SGCZ: variants seen among roughly 807,000 people sequenced by gnomAD.
The protein encoded by SGCZ is sarcoglycan zeta.
Under a neutral mutation model 41.3 loss-of-function variants are expected in SGCZ, and 40 were observed. The observed-to-expected ratio is 0.97, with a 90% CI of 0.75 to 1.26. The LOEUF is 1.26. Among genes scored for constraint, SGCZ ranks in the 50% most tolerant of loss-of-function variants. The pLI, the probability that SGCZ is intolerant of heterozygous loss-of-function variation, is 0.00. For synonymous variants in SGCZ, 206 were observed against 137.5 expected, an observed-to-expected ratio of 1.50 and a Z score of -3.49; for missense variants, 552 against 369.8, an observed-to-expected ratio of 1.49 and a Z score of -4.04.
At chr8:14,413,325 T>C (rs1031123053) in intron 2 of SGCZ, among the ~76,000 whole-genome samples, 5 of 150,792 alleles carry the variant, frequency 3.3e-5, no homozygotes, top group Admixed American at 6.6e-5. Flanking sequence ...TTAGCTCACC[T>C]TTCATACCTC....
At chr8:14,803,421 G>T (rs569553802) in intron 1 of SGCZ, among the ~76,000 whole-genome samples, 1 of 152,092 alleles carries the variant, frequency 6.6e-6, no homozygotes, top group African/African-American at 2.4e-5. Flanking sequence ...CTCGGGAATC[G>T]CAAGGGGTCA....
At chr8:14,204,866 C>T (rs1031692020) in intron 4 of SGCZ, among the ~76,000 whole-genome samples, 10 of 152,102 alleles carry the variant, frequency 6.6e-5, no homozygotes, top group South Asian at 2.1e-4. Flanking sequence ...CTGATAGTTA[C>T]GTCATTGGCT....
intron 1 of SGCZ, among the ~76,000 whole-genome samples, chr8:14,652,938 A>G (rs1214539586): frequency 6.6e-6 from 1 of 152,080 alleles, no homozygotes; most frequent in Non-Finnish European, 1.5e-5. Context: ...ATTATCATAC[A>G]AAAATTTTGT....
intron 2 of SGCZ, among the ~76,000 whole-genome samples, chr8:14,538,979 T>C (rs542153540): frequency 1.3e-5 from 2 of 152,106 alleles, no homozygotes; most frequent in Admixed American, 6.6e-5. Context: ...CCCAGATATT[T>C]TGTCAAACAC....
intron 4 of SGCZ, among the ~76,000 whole-genome samples, chr8:14,176,904 T>G (rs1804558964): frequency 6.6e-6 from 1 of 152,004 alleles, no homozygotes; most frequent in African/African-American, 2.4e-5. Flanking sequence ...CATCCAGGAG[T>G]GCCTTGTATG....
At chr8:14,502,137 G>C (rs961166801) in intron 2 of SGCZ, among the ~76,000 whole-genome samples, 5 of 152,026 alleles carry the variant, frequency 3.3e-5, no homozygotes, top group African/African-American at 4.8e-5. Context: ...AGAATTGTTA[G>C]CTAGTAAGTC....
At chr8:14,557,722 A>G (rs1804076226) in intron 1 of SGCZ, among the ~76,000 whole-genome samples, 1 of 152,038 alleles carries the variant, frequency 6.6e-6, no homozygotes, top group Non-Finnish European at 1.5e-5. Context: ...TTTGTTAAAC[A>G]CAAATAGAGA....
At chr8:14,583,722 T>A (rs1303185626) in intron 1 of SGCZ, among the ~76,000 whole-genome samples, 3 of 152,180 alleles carry the variant, frequency 2.0e-5, no homozygotes, top group Non-Finnish European at 4.4e-5. Flanking sequence ...GAATAATTTG[T>A]CTTTAATACT....
chr8:15,186,818 A>C (rs1032647173), intron 1 of SGCZ, among the ~76,000 whole-genome samples: 2 of 152,172 alleles, frequency 1.3e-5, no homozygotes, highest in Non-Finnish European at 1.5e-5. Context: ...ATTTTGCCCA[A>C]AGTATTAACT....
At chr8:15,070,204 T>A (rs1418877849) in intron 1 of SGCZ, among the ~76,000 whole-genome samples, 1 of 152,160 alleles carries the variant, frequency 6.6e-6, no homozygotes, top group Non-Finnish European at 1.5e-5. Flanking sequence ...ATCATCATAA[T>A]TAGAATTTTG....
intron 1 of SGCZ, among the ~76,000 whole-genome samples, chr8:14,808,104 G>A (rs950042961): frequency 3.3e-5 from 5 of 152,082 alleles, no homozygotes; most frequent in East Asian, 1.9e-4. Context: ...AGACTGAAAC[G>A]TTAGACCTAA....
intron 1 of SGCZ, among the ~76,000 whole-genome samples, chr8:14,650,912 A>T (rs934730765): frequency 6.6e-5 from 10 of 152,120 alleles, no homozygotes; most frequent in African/African-American, 1.9e-4. Context: ...AAGATGAGAA[A>T]TATTTATAAG....
intron 1 of SGCZ, among the ~76,000 whole-genome samples, chr8:14,656,057 G>C (rs10113669): frequency 0.96 from 145,529 of 152,150 alleles, 69,971 homozygotes; most frequent in East Asian, 1. Flanking sequence ...TAAAGCTTCT[G>C]TAGGCATTTG....
intron 1 of SGCZ, among the ~76,000 whole-genome samples, chr8:14,741,136 G>C (rs1411362402): frequency 6.6e-6 from 1 of 152,030 alleles, no homozygotes; most frequent in East Asian, 1.9e-4. Flanking sequence ...TCTAAAGCTT[G>C]TGTATTTAAC....
intron 1 of SGCZ, among the ~76,000 whole-genome samples, chr8:14,830,148 T>C (rs1050389580): frequency 1.8e-4 from 27 of 152,312 alleles, no homozygotes; most frequent in African/African-American, 5.5e-4. Context: ...TGAATTTCAG[T>C]TGTAAAAATT....
intron 3 of SGCZ, among the ~76,000 whole-genome samples, chr8:14,281,335 T>A (rs1240692049): frequency 6.6e-6 from 1 of 151,980 alleles, no homozygotes; most frequent in Non-Finnish European, 1.5e-5. Context: ...TTATACATAC[T>A]TAAAAAATAT....
chr8:15,133,908 T>C (rs1808010486), intron 1 of SGCZ, among the ~76,000 whole-genome samples: 1 of 152,206 alleles, frequency 6.6e-6, no homozygotes, highest in South Asian at 2.1e-4. Context: ...CTATTTTTCT[T>C]AGTAAGCCTG....
intron 1 of SGCZ, among the ~76,000 whole-genome samples, chr8:14,987,029 T>C (rs1801845902): frequency 7.7e-6 from 1 of 130,078 alleles, no homozygotes; most frequent in Non-Finnish European, 1.6e-5. Context: ...ATTTAAAAGA[T>C]TTTTAAATTA....
At chr8:14,301,059 A>AAAT (rs1185564389) in intron 3 of SGCZ, among the ~76,000 whole-genome samples, 1 of 103,262 alleles carries the variant, frequency 9.7e-6, no homozygotes, top group African/African-American at 4.2e-5. Context: ...AAACACAAGA[A>AAAT]AATCATCATC....
Sources: allele counts gnomAD v4.1 joint callset (sites outside exome capture counted in the v4.1 genomes callset), GRCh38; gene constraint gnomAD v4.1.1; transcripts MANE v1.5; gene names NCBI Gene and HGNC (gene_info 2026-07-23, HGNC 2026-07-21).